The following NXPE2 variants were observed in gnomAD, a reference collection of about 807,000 sequenced individuals.
NXPE2 encodes NXPE family member 2.
Under a neutral mutation model 34.4 loss-of-function variants are expected in NXPE2, and 34 were observed. The ratio of observed to expected loss-of-function variants is 0.99; its 90% CI spans 0.75 to 1.31. NXPE2 has a LOEUF of 1.31. Among genes scored for constraint, NXPE2 ranks in the 40% most tolerant of loss-of-function variants. The probability of loss-of-function intolerance (pLI) is 0.00; values close to 1 mark genes in which losing one functional copy is unlikely to be tolerated. For synonymous variants in NXPE2, 235 were observed against 231.3 expected, an observed-to-expected ratio of 1.02 and a Z score of -0.15; for missense variants, 649 against 672.5, an observed-to-expected ratio of 0.97 and a Z score of 0.39.
the NXPE2 span, among the ~76,000 whole-genome samples, chr11:114,596,467 C>T: frequency 6.6e-6 from 1 of 152,120 alleles, no homozygotes; most frequent in African/African-American, 2.4e-5. Context: ...TAAGCATGCC[C>T]ATCAATCTTT....
At chr11:114,521,884 T>TA in the NXPE2 span, 1 of 1,094,548 alleles carries the variant, frequency 9.1e-7, no homozygotes, top group Non-Finnish European at 1.3e-6. Context: ...CCTTAGTTCC[T>TA]AAAATGAGTA....
At chr11:114,551,380 T>C in the NXPE2 span, 6 of 1,386,738 alleles carry the variant, frequency 4.3e-6, no homozygotes, top group Non-Finnish European at 5.6e-6. Context: ...TCCCTTTGTC[T>C]ACCTATTGGA....
chr11:114,466,201 G>A, the NXPE2 span, among the ~76,000 whole-genome samples: 1 of 152,200 alleles, frequency 6.6e-6, no homozygotes, highest in Non-Finnish European at 1.5e-5. Context: ...GTACTTAGAT[G>A]AATAAAAAAT....
the NXPE2 span, chr11:114,522,127 A>G: frequency 6.2e-7 from 1 of 1,614,080 alleles, no homozygotes. Context: ...AGTGAATATA[A>G]CCATGGAAGT....
At chr11:114,634,012 G>C in the NXPE2 span, among the ~76,000 whole-genome samples, 2 of 151,920 alleles carry the variant, frequency 1.3e-5, no homozygotes, top group East Asian at 1.9e-4. Flanking sequence ...GGTATTTCTA[G>C]TTCTAGATCC....
At chr11:114,685,960 C>T (rs984917568) in intron 2 of NXPE2, among the ~76,000 whole-genome samples, 5 of 151,870 alleles carry the variant, frequency 3.3e-5, no homozygotes, top group South Asian at 2.1e-4. Context: ...GGTTAAAAAA[C>T]GGCAACATGA....
At chr11:114,559,192 CTTTG>C in the NXPE2 span, among the ~76,000 whole-genome samples, 1 of 152,146 alleles carries the variant, frequency 6.6e-6, no homozygotes, top group African/African-American at 2.4e-5. Context: ...GCTTTTCTGG[CTTTG>C]TTTATGACTC....
At chr11:114,651,396 G>C in the NXPE2 span, among the ~76,000 whole-genome samples, 1 of 152,130 alleles carries the variant, frequency 6.6e-6, no homozygotes, top group Non-Finnish European at 1.5e-5. Context: ...GGTCTCGCTG[G>C]CTTCAGGAGT....
At chr11:114,800,502 T>G in the NXPE2 span, among the ~76,000 whole-genome samples, 1 of 152,236 alleles carries the variant, frequency 6.6e-6, no homozygotes, top group African/African-American at 2.4e-5. Context: ...TTGAGTCGTA[T>G]TTTATGCTGT....
chr11:114,673,481 G>A, the NXPE2 span, among the ~76,000 whole-genome samples: 2 of 151,406 alleles, frequency 1.3e-5, no homozygotes, highest in African/African-American at 2.4e-5. Flanking sequence ...AAAAATCAGA[G>A]CAGAAAAATA....
chr11:114,527,427 A>G, the NXPE2 span, among the ~76,000 whole-genome samples: 12 of 152,354 alleles, frequency 7.9e-5, no homozygotes, highest in East Asian at 1.3e-3. Flanking sequence ...TCTTTAAAAC[A>G]TATAATCAGA....
the NXPE2 span, among the ~76,000 whole-genome samples, chr11:114,537,882 A>G: frequency 6.6e-6 from 1 of 152,104 alleles, no homozygotes; most frequent in Non-Finnish European, 1.5e-5. Flanking sequence ...ATTCAATGCC[A>G]TCCCCATCAA....
At chr11:114,635,589 T>G in the NXPE2 span, among the ~76,000 whole-genome samples, 5 of 152,094 alleles carry the variant, frequency 3.3e-5, no homozygotes, top group East Asian at 9.6e-4. Context: ...CAGTATGATA[T>G]TGGCTGTGGG....
chr11:114,735,735 C>A, the NXPE2 span, among the ~76,000 whole-genome samples: 2 of 152,066 alleles, frequency 1.3e-5, no homozygotes, highest in Non-Finnish European at 2.9e-5. Flanking sequence ...AGGAAAGTAG[C>A]CATAGCACCC....
the NXPE2 span, among the ~76,000 whole-genome samples, chr11:114,627,907 T>C: frequency 6.6e-6 from 1 of 151,086 alleles, no homozygotes; most frequent in African/African-American, 2.4e-5. Flanking sequence ...CCAACAAAGA[T>C]CAAAAGAGAC....
the NXPE2 span, among the ~76,000 whole-genome samples, chr11:114,751,889 G>A: frequency 2.0e-5 from 3 of 152,150 alleles, no homozygotes; most frequent in Admixed American, 1.3e-4. Context: ...TGATGAAAGC[G>A]GAGAAAGAAA....
the NXPE2 span, among the ~76,000 whole-genome samples, chr11:114,603,058 T>C: frequency 6.6e-6 from 1 of 151,650 alleles, no homozygotes; most frequent in Non-Finnish European, 1.5e-5. Flanking sequence ...AATTATTGTC[T>C]CATAGGTAAC....
chr11:114,735,828 C>T, the NXPE2 span, among the ~76,000 whole-genome samples: 1 of 152,168 alleles, frequency 6.6e-6, no homozygotes, highest in South Asian at 2.1e-4. Context: ...ACCATCTGTG[C>T]CTTATCAGGA....
chr11:114,650,361 A>G, the NXPE2 span, among the ~76,000 whole-genome samples: 1 of 152,222 alleles, frequency 6.6e-6, no homozygotes, highest in Non-Finnish European at 1.5e-5. Flanking sequence ...GGATGTCACA[A>G]TCACCCATGA....
Sources: gnomAD v4.1 joint callset for allele counts (sites outside exome capture counted in the v4.1 genomes callset) on GRCh38, gnomAD v4.1.1 for gene constraint, MANE v1.5 for transcripts, NCBI Gene and HGNC (gene_info 2026-07-23, HGNC 2026-07-21) for gene names.